CADM2: variants seen among roughly 807,000 people sequenced by gnomAD.
CADM2 encodes cell adhesion molecule 2.
Under a neutral mutation model 49.8 loss-of-function variants are expected in CADM2, and 12 were observed. The ratio of observed to expected loss-of-function variants is 0.24; its 90% confidence interval spans 0.15 to 0.39. The LOEUF is 0.39. Ranked by LOEUF, CADM2 falls within the 10% of genes least tolerant of loss-of-function variation. The pLI is 1.00. For synonymous variants in CADM2, 214 were observed against 175.4 expected, an observed-to-expected ratio of 1.22 and a Z score of -1.74; for missense variants, 378 against 492.3, an observed-to-expected ratio of 0.77 and a Z score of 2.20.
At chr3:85,121,964 G>A (rs528679774) in intron 1 of CADM2, among the ~76,000 whole-genome samples, 2 of 151,540 alleles carry the variant, frequency 1.3e-5, no homozygotes, top group African/African-American at 4.8e-5. Context: ...AGGAGATGAG[G>A]TGCTCCTTCT....
At chr3:86,066,278 A>AGCT (rs1011043771) in intron 9 of CADM2, among the ~76,000 whole-genome samples, 1 of 136,406 alleles carries the variant, frequency 7.3e-6, no homozygotes, top group African/African-American at 2.7e-5. Context: ...GCTTGCGGTG[A>AGCT]GCTGAGATCG....
intron 8 of CADM2, among the ~76,000 whole-genome samples, chr3:86,061,995 G>GC (rs889883738): frequency 3.7e-4 from 55 of 149,712 alleles, no homozygotes; most frequent in African/African-American, 1.3e-3. Context: ...GTGGGGGGGG[G>GC]GTTGAATTTG....
At chr3:85,107,852 A>C (rs1161307559) in intron 1 of CADM2, among the ~76,000 whole-genome samples, 2 of 151,520 alleles carry the variant, frequency 1.3e-5, no homozygotes, top group African/African-American at 4.9e-5. Context: ...GGCCTGCACC[A>C]TCACACCCAG....
intron 1 of CADM2, among the ~76,000 whole-genome samples, chr3:85,366,846 T>C (rs1469086259): frequency 1.3e-5 from 2 of 152,044 alleles, no homozygotes; most frequent in Admixed American, 6.6e-5. Flanking sequence ...GAATATTTGA[T>C]TTTTACCAAA....
At chr3:85,448,837 T>C (rs1408271206) in intron 1 of CADM2, among the ~76,000 whole-genome samples, 3 of 151,608 alleles carry the variant, frequency 2.0e-5, no homozygotes, top group African/African-American at 7.3e-5. Context: ...GATCACGAGG[T>C]CAGGAGATCG....
chr3:85,771,488 CCT>C (rs1227920188), intron 2 of CADM2, among the ~76,000 whole-genome samples: 8 of 151,942 alleles, frequency 5.3e-5, no homozygotes, highest in Non-Finnish European at 1.0e-4. Flanking sequence ...TATATATCTC[CCT>C]GATATTATTC....
At chr3:85,562,294 CATTGAGAG>C in intron 1 of CADM2, among the ~76,000 whole-genome samples, 1 of 151,946 alleles carries the variant, frequency 6.6e-6, no homozygotes, top group South Asian at 2.1e-4. Flanking sequence ...AGCCTGACAA[CATTGAGAG>C]ACCTGATCTC....
At chr3:85,254,437 C>T (rs529971297) in intron 1 of CADM2, among the ~76,000 whole-genome samples, 2 of 152,084 alleles carry the variant, frequency 1.3e-5, no homozygotes, top group South Asian at 4.2e-4. Context: ...CCTTTCTACT[C>T]CATGGAGTTC....
chr3:85,841,503 T>G (rs1407160323), intron 3 of CADM2, among the ~76,000 whole-genome samples: 1 of 152,050 alleles, frequency 6.6e-6, no homozygotes, highest in Non-Finnish European at 1.5e-5. Context: ...TAGAGGAAAC[T>G]CCCTATATTC....
intron 1 of CADM2, among the ~76,000 whole-genome samples, chr3:85,348,330 C>T (rs1211892251): frequency 6.6e-6 from 1 of 152,122 alleles, no homozygotes; most frequent in Non-Finnish European, 1.5e-5. Flanking sequence ...TGAGCTTCTT[C>T]AACAGTCTAG....
At chr3:85,499,730 T>G (rs1261794598) in intron 1 of CADM2, among the ~76,000 whole-genome samples, 1 of 152,140 alleles carries the variant, frequency 6.6e-6, no homozygotes, top group Non-Finnish European at 1.5e-5. Flanking sequence ...CCTAATGTTA[T>G]GGTAGCGGGG....
At chr3:85,476,862 T>A (rs1559859773) in intron 1 of CADM2, among the ~76,000 whole-genome samples, 1 of 150,884 alleles carries the variant, frequency 6.6e-6, no homozygotes, top group African/African-American at 2.4e-5. Flanking sequence ...AATAAGACCT[T>A]AAGAGTTGCA....
chr3:85,504,812 C>T (rs1329348675), intron 1 of CADM2, among the ~76,000 whole-genome samples: 2 of 152,192 alleles, frequency 1.3e-5, no homozygotes, highest in African/African-American at 4.8e-5. Context: ...AGGTCCCGAG[C>T]CCTGCCCCGC....
chr3:85,568,473 C>CTCTCTT (rs1310030589), intron 1 of CADM2, among the ~76,000 whole-genome samples: 283 of 27,614 alleles, frequency 0.01, 59 homozygotes, highest in Middle Eastern at 0.036. Context: ...CTCTTTCTCT[C>CTCTCTT]TCTTTCTTTC....
At chr3:85,496,149 G>A (rs1020599217) in intron 1 of CADM2, among the ~76,000 whole-genome samples, 4 of 152,038 alleles carry the variant, frequency 2.6e-5, no homozygotes, top group Non-Finnish European at 5.9e-5. Context: ...TCCCATCATG[G>A]AGATAGTGAA....
chr3:85,012,891 T>C (rs572355708), intron 1 of CADM2, among the ~76,000 whole-genome samples: 1 of 151,966 alleles, frequency 6.6e-6, no homozygotes, highest in African/African-American at 2.4e-5. Context: ...GATTCATTTA[T>C]TTGATATATA....
At chr3:85,599,399 C>G (rs2063334191) in intron 1 of CADM2, among the ~76,000 whole-genome samples, 1 of 151,950 alleles carries the variant, frequency 6.6e-6, no homozygotes, top group Admixed American at 6.6e-5. Flanking sequence ...ACTATCCTAT[C>G]ATTTCACATA....
At chr3:85,106,261 T>C (rs184032537) in intron 1 of CADM2, among the ~76,000 whole-genome samples, 1 of 152,142 alleles carries the variant, frequency 6.6e-6, no homozygotes, top group Non-Finnish European at 1.5e-5. Context: ...TTTTAATATG[T>C]AAATGTGAAT....
intron 3 of CADM2, among the ~76,000 whole-genome samples, chr3:85,856,448 G>C (rs535549235): frequency 1.3e-5 from 2 of 152,102 alleles, no homozygotes; most frequent in South Asian, 2.1e-4. Context: ...AATTACCTAA[G>C]TTGATTGAAC....
Sources: allele counts gnomAD v4.1 joint callset (sites outside exome capture counted in the v4.1 genomes callset), GRCh38; gene constraint gnomAD v4.1.1; transcripts MANE v1.5; gene names NCBI Gene and HGNC (gene_info 2026-07-23, HGNC 2026-07-21).